ANKRD61: variants seen among roughly 807,000 people sequenced by gnomAD.
ANKRD61 encodes the protein ankyrin repeat domain 61.
In ANKRD61, 7 loss-of-function variants were observed where a neutral mutation model predicts 8.4. The ratio of observed to expected loss-of-function variants is 0.84; its 90% confidence interval spans 0.48 to 1.57. The LOEUF is 1.57. Among genes scored for constraint, ANKRD61 ranks in the 40% most tolerant of loss-of-function variants. The pLI is 0.00. For missense variants in ANKRD61, 516 were observed against 523.4 expected, an observed-to-expected ratio of 0.99 and a Z score of 0.14; for synonymous variants, 198 against 208.0, an observed-to-expected ratio of 0.95 and a Z score of 0.41.
rs1006990705 is a variant in ANKRD61, at chr7:6,032,561, G to C, written c.217-278G>C. Among the ~76,000 whole-genome samples, 7 of 152,202 alleles carry C rather than the reference G, an allele frequency of 4.6e-5. No homozygotes were observed. Among genetic ancestry groups the C allele is most frequent in the African/African-American group, 1.7e-4 (7 of 41,456 alleles). On this transcript the variant is annotated intron_variant, in intron 1 of 2. Transcript: ENST00000409061. The surrounding 1 kb of genome is among the most constrained non-coding windows in gnomAD (Gnocchi z 4.3). The stretch of plus-strand genomic sequence containing the variant: ...ATATCACACCACAGGCTCTTCTGAA[G>C]AATCAACTTTCAAAAATTTCCAAAG...
rs1473352483 is a variant in ANKRD61, at chr7:6,032,969, T to C, written c.314+33T>C. On this transcript the variant is annotated intron_variant, in intron 2 of 2. Transcript: ENST00000409061. The surrounding 1 kb of genome is among the most constrained non-coding windows in gnomAD (Gnocchi z 4.3). ...AACTCCACCGAAAATCATTTCTTTT[T>C]TTTTCTTTTTTGTTTTGAGGCAGGG... is the stretch of plus-strand genomic sequence containing the variant. The C allele has an allele frequency of 1.3e-6, 2 of 1,528,100 alleles. No individual in the cohort carries two copies. Among genetic ancestry groups the C allele is most frequent in the South Asian group, 1.2e-5 (1 of 83,450 alleles). 94.7% of individuals were successfully genotyped at this position (1,528,100 alleles called of 1,614,324 possible).
rs542127109 is a variant in ANKRD61, at chr7:6,035,830, C to G, written c.701C>G (p.Thr234Arg). ...GANVNCAVSSTGNTPLKLAVC... is the reference protein window; with the variant it reads ...GANVNCAVSSRGNTPLKLAVC... ...AACGTCAACTGTGCTGTCTCTTCCA[C>G]GGGGAACACGCCCCTGAAGCTTGCA... The change falls in exon 3 of 3, where the codon ACG (threonine) becomes AGG (arginine). Residue 234 changes from threonine (T) to arginine (R), a missense_variant. By Grantham distance (71) the Thr-to-Arg change is moderately conservative. Coordinates refer to ENST00000409061, the MANE Select transcript of ANKRD61 (RefSeq NM_001271700.2). The surrounding 1 kb of genome is among the most constrained non-coding windows in gnomAD (Gnocchi z 5.5). The G allele has an allele frequency of 5.8e-6, 9 of 1,548,968 alleles. No individual in the cohort carries two copies. In the South Asian group the frequency reaches 8.3e-5, roughly 14 times the overall value.
chr7:6,031,737 T>G, intron 1 of ANKRD61, 146 bp downstream of exon 1: 1 of 790,810 alleles, frequency 1.3e-6, no homozygotes, highest in Non-Finnish European at 2.0e-6. Context: ...ACTGCAGTGC[T>G]CCCCAAAGCC....
In ANKRD61 at chr7:6,032,872, G is replaced by T. The variant is rs561724217; in HGVS notation, c.250G>T (p.Ala84Ser). 12 of 1,551,016 alleles carry T rather than the reference G, an allele frequency of 7.7e-6. No individual in the cohort carries two copies. Among genetic ancestry groups the T allele is most frequent in the Non-Finnish European group, 1.0e-5 (12 of 1,147,010 alleles). ...GTCTATCATCCCCATCCATCTGGCT[G>T]CCAAGTACCACAAGGCCCAGAGTCT... ...TESIIPIHLA[A>S]KYHKAQSLLC... is the part of the protein sequence containing the mutation. Residue 84 changes from alanine to serine, a missense_variant, in exon 2 of 3, where the codon GCC (alanine) becomes TCC (serine). Physicochemically the swap from Ala to Ser is moderately conservative, Grantham distance 99 (BLOSUM62 1). Transcript: ENST00000409061. This position sits in a 1 kb window ranked among gnomAD's most constrained non-coding sequence, Gnocchi z 4.3.
chr7:6,035,902 T>C lies in ANKRD61; in HGVS notation c.773T>C (p.Val258Ala). The C allele has an allele frequency of 2.6e-6, 4 of 1,545,542 alleles. No homozygotes were observed. The highest frequency in any genetic ancestry group is 3.5e-6 in the Non-Finnish European group (4 of 1,144,068). Residue 258 changes from valine to alanine, a missense_variant, in exon 3 of 3, where the codon GTC becomes GCC. Val to Ala is a moderately conservative substitution (Grantham distance 64). Coordinates refer to ENST00000409061, the MANE Select transcript of ANKRD61 (RefSeq NM_001271700.2). The surrounding 1 kb of genome is among the most constrained non-coding windows in gnomAD (Gnocchi z 5.5). Reference sequence around the variant, plus strand: ...GCAGGCCGACTCCTCGGGGCGGGGGTCAGCTGCATCCGTCTGCTACTCACT... The same window carrying C: ...GCAGGCCGACTCCTCGGGGCGGGGGCCAGCTGCATCCGTCTGCTACTCACT... The part of the protein sequence containing the change: ...SKAGRLLGAG[V>A]SCIRLLLTHG...
At chr7:6,034,987 G>C (rs1434380759) in intron 2 of ANKRD61, among the ~76,000 whole-genome samples, 1 of 152,124 alleles carries the variant, frequency 6.6e-6, no homozygotes, top group African/African-American at 2.4e-5. Flanking sequence ...GCTCACTTCT[G>C]TGGCAATAAC....
In ANKRD61 at chr7:6,032,773, G is replaced by A; in HGVS notation, c.217-66G>A. On this transcript the variant is annotated intron_variant, in intron 1 of 2. Coordinates refer to ENST00000409061, the MANE Select transcript of ANKRD61 (RefSeq NM_001271700.2). The surrounding 1 kb of genome is among the most constrained non-coding windows in gnomAD (Gnocchi z 4.3). ...AAATGTATTGCCTTTGAAACGGCAAGCTAACACAAACAGTATTTTTAACTA... is the reference window on the plus strand; with the variant it reads ...AAATGTATTGCCTTTGAAACGGCAAACTAACACAAACAGTATTTTTAACTA... 13 of 1,340,518 alleles carry A rather than the reference G, an allele frequency of 9.7e-6. No homozygotes were observed. Among genetic ancestry groups the A allele is most frequent in the Non-Finnish European group, 1.2e-5 (12 of 962,942 alleles). The allele number at this position is 1,340,518 out of a possible 1,614,324, so 83.0% of individuals were successfully genotyped here. A position where few individuals can be genotyped will look rare whatever the true frequency, so the allele number is the denominator to read the frequency against.
rs1229238261 is a variant in ANKRD61 at position 6,035,400 on chromosome 7, C to A, written c.315-44C>A. On this transcript the variant is annotated intron_variant, in intron 2 of 2. Coordinates refer to ENST00000409061, the MANE Select transcript of ANKRD61 (RefSeq NM_001271700.2). The surrounding 1 kb of genome is among the most constrained non-coding windows in gnomAD (Gnocchi z 5.5). ...CATTAACTGTCCACGTAGAGCCGTT[C>A]CCACTGTGAATTCAGTGTAACGTGT... is the stretch of plus-strand genomic sequence containing the variant. The A allele has an allele frequency of 6.6e-6, 10 of 1,505,492 alleles. No homozygotes were observed. The African/African-American group carries it at 1.2e-4, about 19-fold the overall frequency. 93.3% of individuals were successfully genotyped at this position (1,505,492 alleles called of 1,614,324 possible).
In ANKRD61 at chr7:6,035,661, T is replaced by C. The variant is rs900745955; in HGVS notation, c.532T>C (p.Tyr178His). Residue 178 changes from tyrosine (Y) to histidine (H), a missense_variant, in exon 3 of 3, where the codon TAT (tyrosine) becomes CAT (histidine). Coordinates refer to ENST00000409061, the MANE Select transcript of ANKRD61 (RefSeq NM_001271700.2). The surrounding 1 kb of genome is among the most constrained non-coding windows in gnomAD (Gnocchi z 5.5). ...TTCACCACTCCACCTGGCCATAGCA[T>C]ATGGTTGCTATCCAGTTCTCTCCAT... is the stretch of plus-strand genomic sequence containing the variant. ...KRSPLHLAIA[Y>H]GCYPVLSILT... 1.9e-6 allele frequency: 3 copies of C among 1,550,602 alleles called. No individual in the cohort carries two copies. Among genetic ancestry groups the C allele is most frequent in the African/African-American group, 1.4e-5 (1 of 73,048 alleles).
chr7:6,032,728 G>A lies in ANKRD61; in HGVS notation c.217-111G>A. 2.5e-6 allele frequency: 2 copies of A among 791,140 alleles called. No homozygotes were observed. The highest frequency in any genetic ancestry group is 2.0e-6 in the Non-Finnish European group (1 of 502,298). 49.0% of individuals were successfully genotyped at this position (791,140 alleles called of 1,614,324 possible). ...TCAATGCACATACCAGAAAAAGAGT[G>A]AGCCAATGAGACACTAAATAAATGT... is the stretch of plus-strand genomic sequence containing the variant. On this transcript the variant is annotated intron_variant, in intron 1 of 2. Transcript: ENST00000409061. The surrounding 1 kb of genome is among the most constrained non-coding windows in gnomAD (Gnocchi z 4.3).
At chr7:6,034,320 T>C (rs749088361) in intron 2 of ANKRD61, among the ~76,000 whole-genome samples, 1 of 151,788 alleles carries the variant, frequency 6.6e-6, no homozygotes, top group African/African-American at 2.4e-5. Flanking sequence ...ATAATAATAA[T>C]AATAGAACTT....
In ANKRD61 at chr7:6,033,519, G is replaced by C. The variant is rs902293045; in HGVS notation, c.314+583G>C. On this transcript the variant is annotated intron_variant, in intron 2 of 2. Coordinates refer to ENST00000409061, the MANE Select transcript of ANKRD61 (RefSeq NM_001271700.2). This position sits in a 1 kb window ranked among gnomAD's most constrained non-coding sequence, Gnocchi z 4.4. ...GGAATGCAGTAAAGTCCTTGCCATGGCCTTCAATAAGTTTAACCACCAAAG... is the reference window on the plus strand; with the variant it reads ...GGAATGCAGTAAAGTCCTTGCCATGCCCTTCAATAAGTTTAACCACCAAAG... Among the ~76,000 whole-genome samples the C allele has an allele frequency of 6.6e-6, 1 of 152,244 alleles. No homozygotes were observed. Among genetic ancestry groups the C allele is most frequent in the Middle Eastern group, 3.4e-3 (1 of 294 alleles).
chr7:6,035,347 T>C lies in ANKRD61; in HGVS notation c.315-97T>C. 8.5e-7 allele frequency: 1 copy of C among 1,176,476 alleles called. No individual in the cohort carries two copies. Among genetic ancestry groups the C allele is most frequent in the Non-Finnish European group, 1.2e-6 (1 of 840,950 alleles). The allele number at this position is 1,176,476 out of a possible 1,614,324, so 72.9% of individuals were successfully genotyped here. A position where few individuals can be genotyped will look rare whatever the true frequency, so the allele number is the denominator to read the frequency against. ...CGTCCTTAAGGTAATTGAAGGGTCT[T>C]ACTTTAAATAAATACTGGCTTCTTA... On this transcript the variant is annotated intron_variant, in intron 2 of 2. Coordinates refer to ENST00000409061, the MANE Select transcript of ANKRD61 (RefSeq NM_001271700.2). The surrounding 1 kb of genome is among the most constrained non-coding windows in gnomAD (Gnocchi z 5.5).
In ANKRD61 at chr7:6,033,086, A is replaced by G. The variant is rs1787964445; in HGVS notation, c.314+150A>G. The stretch of plus-strand genomic sequence containing the variant: ...TGGGTTCAAGAGCTTCTCCCACCTC[A>G]GCCTCCCGAGTAGCTGGGATTACAG... On this transcript the variant is annotated intron_variant, in intron 2 of 2. Transcript: ENST00000409061. This position sits in a 1 kb window ranked among gnomAD's most constrained non-coding sequence, Gnocchi z 4.4. The G allele has an allele frequency of 1.4e-5, 8 of 589,526 alleles. No homozygotes were observed. Among genetic ancestry groups the G allele is most frequent in the Non-Finnish European group, 2.3e-5 (8 of 344,528 alleles). The allele number at this position is 589,526 out of a possible 1,614,324, so 36.5% of individuals were successfully genotyped here. A position where few individuals can be genotyped will look rare whatever the true frequency, so the allele number is the denominator to read the frequency against.
rs1305237593 is a variant in ANKRD61 at position 6,033,267 on chromosome 7, G to C, written c.314+331G>C. The stretch of plus-strand genomic sequence containing the variant: ...TAACAGCCCTCAGCCACAGCACCCA[G>C]CTTCACTGACAATCATTTCTAAGTG... On this transcript the variant is annotated intron_variant, in intron 2 of 2. Coordinates refer to ENST00000409061, the MANE Select transcript of ANKRD61 (RefSeq NM_001271700.2). The surrounding 1 kb of genome is among the most constrained non-coding windows in gnomAD (Gnocchi z 4.4). Among the ~76,000 whole-genome samples the C allele has an allele frequency of 2.0e-5, 3 of 152,046 alleles. No individual in the cohort carries two copies. The highest frequency in any genetic ancestry group is 7.2e-5 in the African/African-American group (3 of 41,418).
chr7:6,034,477 T>C (rs981499227), intron 2 of ANKRD61, among the ~76,000 whole-genome samples: 1 of 152,014 alleles, frequency 6.6e-6, no homozygotes, highest in African/African-American at 2.4e-5. Context: ...CCATTCTCCT[T>C]AGGGGACCCT....
rs1787972108 is a variant in ANKRD61, at chr7:6,033,339, C to T, written c.314+403C>T. On this transcript the variant is annotated intron_variant, in intron 2 of 2. Transcript: ENST00000409061. This position sits in a 1 kb window ranked among gnomAD's most constrained non-coding sequence, Gnocchi z 4.4. ...TTTTTTTCAGTTCATACATTTTTTC[C>T]ACTTATGTTTGGACTTGTTCGTTCT... Among the ~76,000 whole-genome samples, 1 of 152,030 alleles carries T rather than the reference C, an allele frequency of 6.6e-6. No individual in the cohort carries two copies. Among genetic ancestry groups the T allele is most frequent in the South Asian group, 2.1e-4 (1 of 4,832 alleles).
chr7:6,035,568 A>G lies in ANKRD61; in HGVS notation c.439A>G (p.Thr147Ala), dbSNP rs1200422826. ...GACAGACATTCAGAATAGCAGCATC[A>G]CATGTCTCCGCATCTTGTGTGCGCA... ...ILTDIQNSSI[T>A]CLRILCAHGA... is the part of the protein sequence containing the mutation. Residue 147 changes from threonine (T) to alanine (A), a missense_variant, in exon 3 of 3, where the codon ACA becomes GCA. Physicochemically the swap from Thr to Ala is moderately conservative, Grantham distance 58 (BLOSUM62 0). Transcript: ENST00000409061. The surrounding 1 kb of genome is among the most constrained non-coding windows in gnomAD (Gnocchi z 5.5). The G allele has an allele frequency of 2.6e-6, 4 of 1,551,100 alleles. No individual in the cohort carries two copies. Among genetic ancestry groups the G allele is most frequent in the Admixed American group, 2.0e-5 (1 of 50,976 alleles).
rs1052410590 is a variant in ANKRD61, at chr7:6,035,901, G to A, written c.772G>A (p.Val258Ile). The change falls in exon 3 of 3, where the codon GTC becomes ATC. Residue 258 changes from valine (V) to isoleucine (I), a missense_variant. Val to Ile is a conservative substitution (Grantham distance 29). Coordinates refer to ENST00000409061, the MANE Select transcript of ANKRD61 (RefSeq NM_001271700.2). The surrounding 1 kb of genome is among the most constrained non-coding windows in gnomAD (Gnocchi z 5.5). Reference sequence around the variant, plus strand: ...AGCAGGCCGACTCCTCGGGGCGGGGGTCAGCTGCATCCGTCTGCTACTCAC... The same window carrying A: ...AGCAGGCCGACTCCTCGGGGCGGGGATCAGCTGCATCCGTCTGCTACTCAC... ...SKAGRLLGAG[V>I]SCIRLLLTHG... 8 of 1,546,752 alleles carry A rather than the reference G, an allele frequency of 5.2e-6. No individual in the cohort carries two copies. Among genetic ancestry groups the A allele is most frequent in the African/African-American group, 1.4e-5 (1 of 72,950 alleles).
Sources: allele counts gnomAD v4.1 joint callset (sites outside exome capture counted in the v4.1 genomes callset), GRCh38; gene constraint gnomAD v4.1.1; non-coding constraint Gnocchi (gnomAD v3.1); transcripts MANE v1.5; gene names NCBI Gene and HGNC (gene_info 2026-07-23, HGNC 2026-07-21).